Variants in DNMT3B observed in about 807,000 individuals in gnomAD.
DNMT3B encodes the protein DNA methyltransferase 3 beta, also known as DNA (cytosine-5)-methyltransferase 3B.
A neutral mutation model predicts 120.2 loss-of-function variants in DNMT3B; 37 were observed. That is an observed-to-expected ratio of 0.31 (90% CI 0.24 to 0.40). The LOEUF is 0.40. DNMT3B is among the 10% of genes least tolerant of loss of function. The pLI is 1.00. For synonymous variants in DNMT3B, 412 were observed against 442.8 expected, an observed-to-expected ratio of 0.93 and a Z score of 0.87; for missense variants, 878 against 1,137.3, an observed-to-expected ratio of 0.77 and a Z score of 3.28.
At chr20:32,781,500 T>C in intron 3 of DNMT3B, 86 bp downstream of exon 3, 2 of 1,435,542 alleles carry the variant, frequency 1.4e-6, no homozygotes, top group African/African-American at 2.8e-5. Flanking sequence ...CCATAAAAAC[T>C]GGCATCTGCA....
chr20:32,776,900 C>T (rs764930729), intron 1 of DNMT3B, among the ~76,000 whole-genome samples: 4 of 151,388 alleles, frequency 2.6e-5, no homozygotes, highest in Non-Finnish European at 5.9e-5. Context: ...GCACATGCCT[C>T]GAGGCTAGAT....
At chr20:32,807,024 T>C (rs1982054025) in intron 22 of DNMT3B, among the ~76,000 whole-genome samples, 2 of 152,230 alleles carry the variant, frequency 1.3e-5, no homozygotes, top group South Asian at 4.1e-4. Context: ...TTCTGATTAG[T>C]ATTTATGCTG....
chr20:32,774,241 G>A (rs1411928663), intron 1 of DNMT3B, among the ~76,000 whole-genome samples: 8 of 150,840 alleles, frequency 5.3e-5, no homozygotes, highest in Admixed American at 1.3e-4. Context: ...ACGGAGTCTC[G>A]CTCTGTCACC....
rs189508107 is a variant in DNMT3B, at chr20:32,780,616, C to T, written c.142+151C>T. The T allele has an allele frequency of 4.8e-5, 63 of 1,319,672 alleles. No individual in the cohort carries two copies. The East Asian group carries it at 7.3e-4, about 15-fold the overall frequency. The allele number at this position is 1,319,672 out of a possible 1,614,324, so 81.7% of individuals were successfully genotyped here. ...GCTCTAGCAAGGAGGGATGCAGGGT[C>T]GAGCCCTTCACACCTGCCCGCAGCC... On this transcript the variant is annotated intron_variant, in intron 2 of 22. Coordinates refer to ENST00000328111, the MANE Select transcript of DNMT3B (RefSeq NM_006892.4).
At chr20:32,781,301 C>A in intron 2 of DNMT3B, 52 bp from the exon 3 acceptor site, 1 of 1,604,742 alleles carries the variant, frequency 6.2e-7, no homozygotes, top group South Asian at 1.1e-5. Context: ...AGGCCGTTCC[C>A]CAGACTGGTG....
rs755108282 is a variant in DNMT3B, at chr20:32,778,289, T to TC, written c.-6-2028dup. Among the ~76,000 whole-genome samples the TC allele has an allele frequency of 2.0e-5, 3 of 151,620 alleles. No individual in the cohort carries two copies. The South Asian group carries it at 6.2e-4, about 31-fold the overall frequency. On this transcript the variant is annotated intron_variant, in intron 1 of 22. Transcript: ENST00000328111. ...AGGCAGAGGTTGCGGTGAGCTGAGA[T>TC]CGTGCCATTGCATTCCAGCCTGGCG...
rs191966423 is a variant in DNMT3B, at chr20:32,802,075, T to C, written c.2146-310T>C. 3.8e-3 allele frequency among the ~76,000 whole-genome samples: 575 copies of C among 152,188 alleles called. 1 individual carries two copies. Among genetic ancestry groups the C allele is most frequent in the Non-Finnish European group, 5.5e-3 (372 of 67,996 alleles). On this transcript the variant is annotated intron_variant, in intron 19 of 22. Coordinates refer to ENST00000328111, the MANE Select transcript of DNMT3B (RefSeq NM_006892.4). ...GTGGCTCATGTCTGCAGTCCTAGCA[T>C]TTTGGGAGGCTGAGGTTGGAGGATC...
intron 1 of DNMT3B, among the ~76,000 whole-genome samples, chr20:32,764,983 G>C (rs1987218369): frequency 1.3e-5 from 2 of 152,184 alleles, no homozygotes; most frequent in African/African-American, 2.4e-5. Flanking sequence ...GTGGGGGCTT[G>C]GGCAAGTTCT....
chr20:32,762,677 C>A lies in DNMT3B; in HGVS notation c.-29C>A, dbSNP rs1987040571. 4.9e-6 allele frequency: 1 copy of A among 202,458 alleles called. No homozygotes were observed. The highest frequency in any genetic ancestry group is 9.8e-6 in the Non-Finnish European group (1 of 102,386). 12.5% of individuals were successfully genotyped at this position (202,458 alleles called of 1,614,324 possible). ...GACCCGCGGCTCCGCCGCCCAGCCGCGCCCCAGCCAGCCCTGCGGCAGGTG... is the reference window on the plus strand; with the variant it reads ...GACCCGCGGCTCCGCCGCCCAGCCGAGCCCCAGCCAGCCCTGCGGCAGGTG... On this transcript the variant is annotated 5_prime_UTR_variant, in exon 1 of 23. Transcript: ENST00000328111.
In DNMT3B at chr20:32,789,941, A is replaced by T. The variant is rs147157130; in HGVS notation, c.813+929A>T. 3.3e-3 allele frequency among the ~76,000 whole-genome samples: 510 copies of T among 152,296 alleles called. 2 individuals are homozygous for T. The highest frequency in any genetic ancestry group is 0.011 in the African/African-American group (473 of 41,560). On this transcript the variant is annotated intron_variant, in intron 7 of 22. Coordinates refer to ENST00000328111, the MANE Select transcript of DNMT3B (RefSeq NM_006892.4). ...ACCTATCCTGTGATGGTCTCTTAGA[A>T]GTAAATGTTAGTCCTACCCTCAGAG...
intron 1 of DNMT3B, among the ~76,000 whole-genome samples, chr20:32,765,110 A>G (rs983572732): frequency 6.6e-6 from 1 of 152,076 alleles, no homozygotes; most frequent in African/African-American, 2.4e-5. Context: ...TTTCAGAGGT[A>G]TGAGGTTGTG....
intron 1 of DNMT3B, among the ~76,000 whole-genome samples, chr20:32,771,876 C>A (rs539146257): frequency 7.2e-5 from 11 of 152,130 alleles, no homozygotes; most frequent in African/African-American, 1.9e-4. Flanking sequence ...CTCAGACAGG[C>A]GAGTTATGTT....
intron 15 of DNMT3B, 101 bp downstream of exon 15, chr20:32,798,744 T>A: frequency 6.6e-7 from 1 of 1,520,800 alleles, no homozygotes; most frequent in South Asian, 1.2e-5. Flanking sequence ...TAAAGACACG[T>A]TGTACCTCTT....
At position 32,787,373 on chromosome 20, in the gene DNMT3B, C is replaced by T. The variant is rs1170759477; in HGVS notation, c.576C>T (p.Ala192=). 5 of 1,614,068 alleles carry T rather than the reference C, an allele frequency of 3.1e-6. No individual in the cohort carries two copies. The highest frequency in any genetic ancestry group is 4.2e-6 in the Non-Finnish European group (5 of 1,180,044). The change falls in exon 6 of 23, where the codon GCC becomes GCT. Residue 192 remains alanine (A), a synonymous_variant. Coordinates refer to ENST00000328111, the MANE Select transcript of DNMT3B (RefSeq NM_006892.4). ...GCAGTACCCCCTACGCCCGCCTAGC[C>T]CAGGACAGCCAGCAGGGGGGCATGG... ...QSSSTPYARL[A]QDSQQGGMES... is the part of the protein sequence containing the mutation.
intron 1 of DNMT3B, among the ~76,000 whole-genome samples, chr20:32,768,192 ATTTT>A (rs34062797): frequency 1.6e-5 from 2 of 128,682 alleles, no homozygotes; most frequent in East Asian, 2.4e-4. Context: ...GCTAATTTTA[ATTTT>A]TTTTTTTTTT....
At chr20:32,781,687 G>T (rs1978644102) in intron 3 of DNMT3B, among the ~76,000 whole-genome samples, 2 of 152,178 alleles carry the variant, frequency 1.3e-5, no homozygotes, top group Admixed American at 1.3e-4. Context: ...GTATTAAATG[G>T]AAAATATTAA....
At chr20:32,783,814 C>T (rs1040716551) in intron 3 of DNMT3B, among the ~76,000 whole-genome samples, 6 of 152,178 alleles carry the variant, frequency 3.9e-5, no homozygotes, top group Non-Finnish European at 7.3e-5. Flanking sequence ...CAACCTCCGC[C>T]TCCCAGGTTC....
intron 22 of DNMT3B, 98 bp downstream of exon 22, chr20:32,806,425 G>A (rs540116255): frequency 9.0e-7 from 1 of 1,115,788 alleles, no homozygotes; most frequent in Non-Finnish European, 1.4e-6. Flanking sequence ...TGGCCTCACT[G>A]CCCTTTGGTG....
intron 8 of DNMT3B, among the ~76,000 whole-genome samples, chr20:32,792,196 C>T (rs1215506455): frequency 1.3e-5 from 2 of 152,164 alleles, no homozygotes; most frequent in Non-Finnish European, 2.9e-5. Flanking sequence ...CACTGAAATC[C>T]TTGGTCCTTC....
Sources: gnomAD v4.1 joint callset for allele counts (sites outside exome capture counted in the v4.1 genomes callset) on GRCh38, gnomAD v4.1.1 for gene constraint, MANE v1.5 for transcripts, NCBI Gene and HGNC (gene_info 2026-07-23, HGNC 2026-07-21) for gene names.